RIN3: variants seen among roughly 807,000 people sequenced by gnomAD.
RIN3 encodes the protein RAB5 interacting protein 3.
Under a neutral mutation model 76.3 loss-of-function variants are expected in RIN3, and 54 were observed. The ratio of observed to expected loss-of-function variants is 0.71; its 90% CI spans 0.57 to 0.89. RIN3 has a LOEUF of 0.89. Among genes scored for constraint, RIN3 ranks in the 40% least tolerant of loss-of-function variants. RIN3 has a pLI of 0.00. For synonymous variants in RIN3, 576 were observed against 564.0 expected (o/e 1.02, Z -0.30); for missense variants, 1,256 against 1,322.1 (o/e 0.95, Z 0.78).
rs1221156189 is a variant in RIN3, at chr14:92,568,241, A to G, written c.250-9119A>G. 4.6e-5 allele frequency among the ~76,000 whole-genome samples: 7 copies of G among 152,248 alleles called. No individual in the cohort carries two copies. The South Asian group carries it at 1.2e-3, about 27-fold the overall frequency. ...TGGTCCTTCGGCTCCCCATCCCACC[A>G]TGTACTCACTTGTAACAGCCATCAT... On this transcript the variant is annotated intron_variant, in intron 2 of 9. Coordinates refer to ENST00000216487, the MANE Select transcript of RIN3 (RefSeq NM_024832.5). The surrounding 1 kb of genome is among the most constrained non-coding windows in gnomAD (Gnocchi z 4.2).
chr14:92,667,124 C>T (rs1179861065), intron 7 of RIN3, among the ~76,000 whole-genome samples: 1 of 152,078 alleles, frequency 6.6e-6, no homozygotes, highest in African/African-American at 2.4e-5. Flanking sequence ...GATGGGGACC[C>T]CAGGGGTATG....
At chr14:92,517,433 G>A (rs1001352575) in intron 1 of RIN3, among the ~76,000 whole-genome samples, 3 of 152,144 alleles carry the variant, frequency 2.0e-5, no homozygotes, top group South Asian at 2.1e-4. Flanking sequence ...GGTCACCTAG[G>A]GGATTGGGGG....
intron 4 of RIN3, among the ~76,000 whole-genome samples, chr14:92,616,292 C>T (rs959272069): frequency 9.2e-5 from 14 of 152,184 alleles, no homozygotes; most frequent in African/African-American, 2.7e-4. Context: ...ACGGTGGGAG[C>T]GGGCCCAAGC....
At chr14:92,516,769 A>G (rs529787751) in intron 1 of RIN3, among the ~76,000 whole-genome samples, 212 of 152,164 alleles carry the variant, frequency 1.4e-3, no homozygotes, top group Middle Eastern at 3.4e-3. Context: ...GTGCCCCTCT[A>G]TCCTGGCCCT....
In RIN3 at chr14:92,531,709, A is replaced by G. The variant is rs1001060992; in HGVS notation, c.44+17733A>G. On this transcript the variant is annotated intron_variant, in intron 1 of 9. Transcript: ENST00000216487. ...AATGTGACGCTGTGTAGTTTCCTGCAATGGGCGTGTCAGGGCTGCTATCCT... is the reference window on the plus strand; with the variant it reads ...AATGTGACGCTGTGTAGTTTCCTGCGATGGGCGTGTCAGGGCTGCTATCCT... 3.2e-4 allele frequency among the ~76,000 whole-genome samples: 48 copies of G among 152,104 alleles called. 1 individual carries two copies. The highest frequency in any genetic ancestry group is 6.8e-4 in the Non-Finnish European group (46 of 68,002).
rs1566885129 is a variant in RIN3, at chr14:92,648,956, G to GATTCCACAC, written c.533-2626_533-2625insATTCCACAC. The stretch of plus-strand genomic sequence containing the variant: ...GAATAGCATTAGCCAAGACCTGCTG[G>GATTCCACAC]TGGGGCAGCGCATGGCACGTGGAGG... On this transcript the variant is annotated intron_variant, in intron 5 of 9. Transcript: ENST00000216487. This position sits in a 1 kb window ranked among gnomAD's most constrained non-coding sequence, Gnocchi z 4.1. Among the ~76,000 whole-genome samples the GATTCCACAC allele has an allele frequency of 2.0e-5, 3 of 152,222 alleles. No individual in the cohort carries two copies. The East Asian group carries it at 5.8e-4, about 29-fold the overall frequency.
At chr14:92,555,610 G>T in intron 1 of RIN3, 141 bp from the exon 2 acceptor site, 1 of 783,976 alleles carries the variant, frequency 1.3e-6, no homozygotes. Context: ...ACCATGGTTT[G>T]TTGATTTTTT....
chr14:92,669,448 AGGGCATTG>A (rs1026329708), intron 7 of RIN3, among the ~76,000 whole-genome samples: 6 of 152,210 alleles, frequency 3.9e-5, no homozygotes, highest in Non-Finnish European at 1.5e-5. Context: ...AGCCATTACA[AGGGCATTG>A]GCCTTAGCTG....
At chr14:92,548,075 G>A (rs942991808) in intron 1 of RIN3, among the ~76,000 whole-genome samples, 3 of 152,074 alleles carry the variant, frequency 2.0e-5, no homozygotes, top group African/African-American at 7.2e-5. Flanking sequence ...CCCCCTTAAC[G>A]TCTCTGAAAT....
At chr14:92,522,004 TG>T (rs35612281) in intron 1 of RIN3, among the ~76,000 whole-genome samples, 21,085 of 151,804 alleles carry the variant, frequency 0.14, 1,677 homozygotes, top group African/African-American at 0.21. Flanking sequence ...AAGGACAAGT[TG>T]TGTGTGGGAG....
chr14:92,597,144 G>A (rs1044729965), intron 3 of RIN3, among the ~76,000 whole-genome samples: 3 of 146,746 alleles, frequency 2.0e-5, no homozygotes, highest in Non-Finnish European at 3.0e-5. Flanking sequence ...GTGTGTGTGG[G>A]TCAATAGGAT....
chr14:92,638,778 A>G (rs1886869564), intron 4 of RIN3, among the ~76,000 whole-genome samples: 1 of 152,110 alleles, frequency 6.6e-6, no homozygotes, highest in Non-Finnish European at 1.5e-5. Flanking sequence ...TCACACAACA[A>G]TGACAGAAGA....
At chr14:92,651,266 C>G (rs922370949) in intron 5 of RIN3, among the ~76,000 whole-genome samples, 5 of 152,136 alleles carry the variant, frequency 3.3e-5, no homozygotes, top group African/African-American at 7.2e-5. Flanking sequence ...TGTCACCCCC[C>G]ACCCTGTGTC....
rs1330033536 is a variant in RIN3, at chr14:92,656,127, G to A, written c.2027-3034G>A. Among the ~76,000 whole-genome samples the A allele has an allele frequency of 1.3e-5, 2 of 152,214 alleles. No individual in the cohort carries two copies. Among genetic ancestry groups the A allele is most frequent in the African/African-American group, 4.8e-5 (2 of 41,456 alleles). On this transcript the variant is annotated intron_variant, in intron 6 of 9. Coordinates refer to ENST00000216487, the MANE Select transcript of RIN3 (RefSeq NM_024832.5). This position sits in a 1 kb window ranked among gnomAD's most constrained non-coding sequence, Gnocchi z 5.2. Reference sequence around the variant, plus strand: ...AACTCCAAGTGGCCCAGAGGAAACTGTGGTCAGCCCTGCCTTCCAGAGTTG... The same window carrying A: ...AACTCCAAGTGGCCCAGAGGAAACTATGGTCAGCCCTGCCTTCCAGAGTTG...
intron 4 of RIN3, among the ~76,000 whole-genome samples, chr14:92,635,194 C>T (rs938641662): frequency 3.3e-5 from 5 of 152,346 alleles, no homozygotes; most frequent in Non-Finnish European, 7.3e-5. Flanking sequence ...CCTGCCTTCC[C>T]CATCTTCACA....
intron 3 of RIN3, among the ~76,000 whole-genome samples, chr14:92,606,414 G>A (rs575280545): frequency 5.9e-5 from 9 of 151,968 alleles, no homozygotes; most frequent in African/African-American, 1.9e-4. Flanking sequence ...GCATGGTGGT[G>A]CATGCCTGTA....
At chr14:92,521,259 A>G (rs1006830144) in intron 1 of RIN3, among the ~76,000 whole-genome samples, 77 of 151,980 alleles carry the variant, frequency 5.1e-4, no homozygotes, top group Non-Finnish European at 5.9e-5. Context: ...CCATGCATCC[A>G]TCCATCCATC....
intron 1 of RIN3, chr14:92,515,256 G>A (rs1387624097): frequency 1.4e-6 from 1 of 700,262 alleles, no homozygotes; most frequent in East Asian, 2.7e-5. Flanking sequence ...ATCCGTTGGG[G>A]AAGAGCCCCC....
At chr14:92,520,804 G>A (rs1224184860) in intron 1 of RIN3, among the ~76,000 whole-genome samples, 1 of 152,188 alleles carries the variant, frequency 6.6e-6, no homozygotes, top group Non-Finnish European at 1.5e-5. Context: ...TGTCAAGAAA[G>A]AGTCACCGGG....
Sources: allele counts gnomAD v4.1 joint callset (sites outside exome capture counted in the v4.1 genomes callset), GRCh38; gene constraint gnomAD v4.1.1; non-coding constraint Gnocchi (gnomAD v3.1); transcripts MANE v1.5; gene names NCBI Gene and HGNC (gene_info 2026-07-23, HGNC 2026-07-21).